ZNF385D: variants seen among roughly 807,000 people sequenced by gnomAD.
ZNF385D encodes zinc finger protein 659.
A neutral mutation model predicts 35.8 loss-of-function variants in ZNF385D; 15 were observed. The observed-to-expected ratio is 0.42, with a 90% CI of 0.28 to 0.64. The LOEUF is 0.64. Among genes scored for constraint, ZNF385D ranks in the 30% least tolerant of loss-of-function variants. The pLI is 0.23. For missense variants in ZNF385D, 474 were observed against 494.6 expected (o/e 0.96, Z 0.39); for synonymous variants, 212 against 186.8 (o/e 1.13, Z -1.10).
chr3:21,777,604 T>C (rs1451119346), intron 3 of ZNF385D: 1 of 151,952 alleles, frequency 6.6e-6, no homozygotes, highest in Non-Finnish European at 1.5e-5. Context: ...GTGAAGTTGC[T>C]TACATAGATC....
At chr3:21,461,900 T>G (rs1703203298) in intron 4 of ZNF385D, among the ~76,000 whole-genome samples, 1 of 152,152 alleles carries the variant, frequency 6.6e-6, no homozygotes. Context: ...TTAATATTAT[T>G]TTTAACCTCT....
chr3:22,189,254 C>G (rs889772622), intron 2 of ZNF385D, among the ~76,000 whole-genome samples: 1 of 152,118 alleles, frequency 6.6e-6, no homozygotes, highest in Non-Finnish European at 1.5e-5. Context: ...GCATAAACTG[C>G]AAGTGATGGA....
intron 3 of ZNF385D, among the ~76,000 whole-genome samples, chr3:22,132,036 C>G (rs918148832): frequency 1.3e-5 from 2 of 152,096 alleles, no homozygotes; most frequent in Admixed American, 1.3e-4. Context: ...CTAGAGTTGA[C>G]ATTTTGTTCA....
chr3:21,835,252 CTT>C (rs11369567), intron 3 of ZNF385D, among the ~76,000 whole-genome samples: 1 of 149,814 alleles, frequency 6.7e-6, no homozygotes, highest in Non-Finnish European at 1.5e-5. Flanking sequence ...AGTTTGCTTA[CTT>C]TTTTTTTAAG....
intron 3 of ZNF385D, among the ~76,000 whole-genome samples, chr3:22,058,710 A>C (rs1699540935): frequency 6.6e-6 from 1 of 152,222 alleles, no homozygotes; most frequent in Non-Finnish European, 1.5e-5. Context: ...AAGTACTCTA[A>C]AACATTTTTT....
Position 22,155,601 on chromosome 3 carries a change from A to C in ZNF385D, c.325+13216T>G, listed in dbSNP as rs76824055. 4.4e-3 allele frequency among the ~76,000 whole-genome samples: 663 copies of C among 152,192 alleles called. 14 individuals carry two copies. Among genetic ancestry groups the C allele is most frequent in the African/African-American group, 0.015 (637 of 41,552 alleles). ...ACTATCTACTGAGCACACATAACAC[A>C]TATTAGCTTATTCTGACACTTTCCT... is the stretch of plus-strand genomic sequence containing the variant. On this transcript the variant is annotated intron_variant, in intron 3 of 5. Coordinates refer to the ZNF385D transcript ENST00000494108.
chr3:21,571,618 C>A (rs1395258730), intron 2 of ZNF385D, among the ~76,000 whole-genome samples: 1 of 151,614 alleles, frequency 6.6e-6, no homozygotes, highest in Non-Finnish European at 1.5e-5. Context: ...AGGGCATAGT[C>A]CCCAACAAGA....
intron 2 of ZNF385D, among the ~76,000 whole-genome samples, chr3:22,329,969 C>A (rs1209063414): frequency 6.6e-6 from 1 of 152,118 alleles, no homozygotes; most frequent in Non-Finnish European, 1.5e-5. Context: ...TAGTAGCTGT[C>A]ATAATAAACA....
intron 2 of ZNF385D, among the ~76,000 whole-genome samples, chr3:22,338,771 G>A (rs993517144): frequency 1.4e-5 from 2 of 147,538 alleles, no homozygotes; most frequent in African/African-American, 5.2e-5. Context: ...CGCGATCTCG[G>A]CTCACTGTAG....
At chr3:22,306,652 C>T (rs1361005068) in intron 2 of ZNF385D, among the ~76,000 whole-genome samples, 4 of 152,026 alleles carry the variant, frequency 2.6e-5, no homozygotes, top group Non-Finnish European at 5.9e-5. Context: ...GGGAAATACT[C>T]GCTATGTTTC....
intron 2 of ZNF385D, among the ~76,000 whole-genome samples, chr3:21,650,177 T>C (rs183498359): frequency 7.4e-4 from 112 of 152,272 alleles, no homozygotes; most frequent in Middle Eastern, 3.4e-3. Flanking sequence ...AAGCACAGTA[T>C]AAAGAATTAT....
intron 3 of ZNF385D, among the ~76,000 whole-genome samples, chr3:21,522,944 AG>A (rs760076822): frequency 6.6e-6 from 1 of 152,292 alleles, no homozygotes; most frequent in East Asian, 1.9e-4. Context: ...GGTAGTATTT[AG>A]TTGTCCTTGG....
chr3:21,571,361 G>A (rs891838867), intron 2 of ZNF385D, among the ~76,000 whole-genome samples: 1 of 152,098 alleles, frequency 6.6e-6, no homozygotes, highest in African/African-American at 2.4e-5. Context: ...CTGTTGAATA[G>A]TTGGGTTGCT....
Position 22,194,691 on chromosome 3 carries a change from A to C in ZNF385D, c.107-25656T>G, listed in dbSNP as rs369037265. Among the ~76,000 whole-genome samples the C allele has an allele frequency of 3.3e-4, 50 of 152,000 alleles. 1 individual carries two copies. Among genetic ancestry groups the C allele is most frequent in the African/African-American group, 1.1e-3 (47 of 41,558 alleles). On this transcript the variant is annotated intron_variant, in intron 2 of 5. Coordinates refer to the ZNF385D transcript ENST00000494108. The stretch of plus-strand genomic sequence containing the variant: ...CATACCCTTTTTACACCTGGCAATT[A>C]CTAATCTGTTCTATGTCATTCGTTT...
rs71310276 is a variant in ZNF385D at position 21,758,715 on chromosome 3, C to A, written c.326-93687G>T. Among the ~76,000 whole-genome samples the A allele has an allele frequency of 5.5e-3, 843 of 152,144 alleles. 13 individuals are homozygous for A. Among genetic ancestry groups the A allele is most frequent in the African/African-American group, 0.02 (817 of 41,484 alleles). ...GTTACACACTTCCTTTCTGATGGTTCTCAGATTCTCTCTCTCATGCCTCTC... is the reference window on the plus strand; with the variant it reads ...GTTACACACTTCCTTTCTGATGGTTATCAGATTCTCTCTCTCATGCCTCTC... On this transcript the variant is annotated intron_variant, in intron 3 of 5. Coordinates refer to the ZNF385D transcript ENST00000494108.
At chr3:21,521,324 T>C (rs542680122) in intron 3 of ZNF385D, among the ~76,000 whole-genome samples, 16 of 152,362 alleles carry the variant, frequency 1.1e-4, no homozygotes, top group Admixed American at 1.0e-3. Context: ...AGTCTACCCA[T>C]ATTCAATTCC....
At chr3:22,318,054 T>A (rs528260032) in intron 2 of ZNF385D, among the ~76,000 whole-genome samples, 1 of 150,734 alleles carries the variant, frequency 6.6e-6, no homozygotes, top group African/African-American at 2.5e-5. Context: ...TGAGACTCGG[T>A]TTCAAAAAGA....
intron 3 of ZNF385D, among the ~76,000 whole-genome samples, chr3:21,562,695 C>CAGTT (rs758203314): frequency 1.3e-5 from 2 of 152,176 alleles, no homozygotes; most frequent in South Asian, 2.1e-4. Flanking sequence ...AATATAAATA[C>CAGTT]AGTTTAGGAA....
At chr3:21,905,024 A>C (rs1699602982) in intron 3 of ZNF385D, among the ~76,000 whole-genome samples, 1 of 151,980 alleles carries the variant, frequency 6.6e-6, no homozygotes, top group Non-Finnish European at 1.5e-5. Context: ...TATAACAAAA[A>C]ATCTATAATA....
Sources: allele counts gnomAD v4.1 joint callset (sites outside exome capture counted in the v4.1 genomes callset), GRCh38; gene constraint gnomAD v4.1.1; transcripts MANE v1.5; gene names NCBI Gene and HGNC (gene_info 2026-07-23, HGNC 2026-07-21).